HNRNPUL1: variants seen among roughly 807,000 people sequenced by gnomAD.
HNRNPUL1 encodes heterogeneous nuclear ribonucleoprotein U-like protein 1.
In HNRNPUL1, 14 loss-of-function variants were observed where a neutral mutation model predicts 108.5. That is an observed-to-expected ratio of 0.13 (90% confidence interval 0.09 to 0.20). The LOEUF (loss-of-function observed/expected upper bound fraction) is 0.20, where lower values mean the gene tolerates loss of function less well. HNRNPUL1 is among the 10% of genes least tolerant of loss of function. The probability of loss-of-function intolerance (pLI) is 1.00; values close to 1 mark genes in which losing one functional copy is unlikely to be tolerated. For missense variants in HNRNPUL1, 804 were observed against 1,168.3 expected, an observed-to-expected ratio of 0.69 and a Z score of 4.55; for synonymous variants, 422 against 445.2, an observed-to-expected ratio of 0.95 and a Z score of 0.66.
At chr19:41,273,526 T>A (rs1568432392) in intron 3 of HNRNPUL1, among the ~76,000 whole-genome samples, 1 of 152,232 alleles carries the variant, frequency 6.6e-6, no homozygotes. Context: ...CTTACAGATG[T>A]AGGATTTTAA....
intron 11 of HNRNPUL1, among the ~76,000 whole-genome samples, chr19:41,302,053 A>G (rs941971709): frequency 2.2e-4 from 34 of 151,902 alleles, no homozygotes; most frequent in African/African-American, 8.0e-4. Context: ...TGGTGATGCC[A>G]TCTGTCTGAC....
chr19:41,266,594 G>A lies in HNRNPUL1; in HGVS notation c.296-1629G>A, dbSNP rs183932646. Among the ~76,000 whole-genome samples, 107 of 152,222 alleles carry A rather than the reference G, an allele frequency of 7.0e-4. 1 individual carries two copies. Among genetic ancestry groups the A allele is most frequent in the African/African-American group, 2.5e-3 (103 of 41,542 alleles). ...CGTGAATCACTGCACCAGGCCTCAG[G>A]GCAGCTTTCTAGTAGGACTGGGAAA... On this transcript the variant is annotated intron_variant, in intron 1 of 14. Transcript: ENST00000392006.
At position 41,292,636 on chromosome 19, in the gene HNRNPUL1, C is replaced by T. The variant is rs926373100; in HGVS notation, c.1266+125C>T. ...GGCAAGTGGCCACTTTGTCCCAGCTCCTCAGGGTTGGACTCAGAGCTGAAA... is the reference window on the plus strand; with the variant it reads ...GGCAAGTGGCCACTTTGTCCCAGCTTCTCAGGGTTGGACTCAGAGCTGAAA... On this transcript the variant is annotated intron_variant, in intron 8 of 14. Coordinates refer to ENST00000392006, the MANE Select transcript of HNRNPUL1 (RefSeq NM_007040.6). This position sits in a 1 kb window ranked among gnomAD's most constrained non-coding sequence, Gnocchi z 4.1. The T allele has an allele frequency of 1.7e-6, 2 of 1,210,866 alleles. No homozygotes were observed. The highest frequency in any genetic ancestry group is 3.0e-5 in the African/African-American group (2 of 67,288). 75.0% of individuals were successfully genotyped at this position (1,210,866 alleles called of 1,614,324 possible). A position where few individuals can be genotyped will look rare whatever the true frequency, so the allele number is the denominator to read the frequency against.
chr19:41,263,217 C>A (rs1269126236), upstream of HNRNPUL1, among the ~76,000 whole-genome samples: 1 of 152,038 alleles, frequency 6.6e-6, no homozygotes, highest in Admixed American at 6.6e-5. Flanking sequence ...TCATGTATCC[C>A]GATTGCGTCT....
chr19:41,306,877 T>G lies in HNRNPUL1; in HGVS notation c.*312T>G. 1.5e-4 allele frequency: 29 copies of G among 195,184 alleles called. No individual in the cohort carries two copies. Among genetic ancestry groups the G allele is most frequent in the Middle Eastern group, 1.9e-3 (1 of 538 alleles). 12.1% of individuals were successfully genotyped at this position (195,184 alleles called of 1,614,324 possible). On this transcript the variant is annotated 3_prime_UTR_variant, in exon 15 of 15. Coordinates refer to ENST00000392006, the MANE Select transcript of HNRNPUL1 (RefSeq NM_007040.6). Reference sequence around the variant, plus strand: ...AAATAATCCCCACCTCCCTTGATCATACAGTGAGGCTACAGTGACTGAGGG... The same window carrying G: ...AAATAATCCCCACCTCCCTTGATCAGACAGTGAGGCTACAGTGACTGAGGG...
Position 41,306,945 on chromosome 19 carries a change from C to G in HNRNPUL1, c.*380C>G, listed in dbSNP as rs147743230. 1 of 166,284 alleles carries G rather than the reference C, an allele frequency of 6.0e-6. No individual in the cohort carries two copies. The highest frequency in any genetic ancestry group is 1.3e-5 in the Non-Finnish European group (1 of 77,454). The allele number at this position is 166,284 out of a possible 1,614,324, so 10.3% of individuals were successfully genotyped here. A position where few individuals can be genotyped will look rare whatever the true frequency, so the allele number is the denominator to read the frequency against. On this transcript the variant is annotated 3_prime_UTR_variant, in exon 15 of 15. Transcript: ENST00000392006. ...CACTCTCCCAACCCTGCTCCAGCCCCTCAGCTTCCCAGACCCTCATGCAGT... is the reference window on the plus strand; with the variant it reads ...CACTCTCCCAACCCTGCTCCAGCCCGTCAGCTTCCCAGACCCTCATGCAGT...
chr19:41,278,014 C>G (rs960589280), intron 5 of HNRNPUL1, among the ~76,000 whole-genome samples: 8 of 151,368 alleles, frequency 5.3e-5, no homozygotes, highest in African/African-American at 1.9e-4. Context: ...GTACATTAGC[C>G]CAATGTACTG....
intron 7 of HNRNPUL1, among the ~76,000 whole-genome samples, chr19:41,291,021 G>T (rs968252660): frequency 6.6e-6 from 1 of 152,206 alleles, no homozygotes; most frequent in Non-Finnish European, 1.5e-5. Context: ...ACTCCAGCCT[G>T]GGCAACAAGA....
At chr19:41,277,345 A>G (rs972572012) in intron 5 of HNRNPUL1, among the ~76,000 whole-genome samples, 2 of 152,212 alleles carry the variant, frequency 1.3e-5, no homozygotes, top group African/African-American at 2.4e-5. Context: ...ATCTGGAAAC[A>G]GGTACTGTTA....
chr19:41,265,081 A>AAGAGAGTCGGAAG lies in HNRNPUL1; in HGVS notation c.295+284_295+285insGAGAGTCGGAAGA, dbSNP rs1443200163. 3.2e-5 allele frequency: 45 copies of AAGAGAGTCGGAAG among 1,407,854 alleles called. No individual in the cohort carries two copies. The South Asian group carries it at 6.2e-4, about 19-fold the overall frequency. The allele number at this position is 1,407,854 out of a possible 1,614,324, so 87.2% of individuals were successfully genotyped here. ...CCGTACCGTAGGGATCGGAGACCGG[A>AAGAGAGTCGGAAG]AACTGCTTTCTGGAGCCGAAGAGAG... On this transcript the variant is annotated intron_variant, in intron 1 of 14. Transcript: ENST00000392006.
intron 1 of HNRNPUL1, chr19:41,265,462 A>G (rs899949595): frequency 3.1e-6 from 4 of 1,270,420 alleles, no homozygotes; most frequent in African/African-American, 1.5e-5. Context: ...AGATTGAACT[A>G]GGGGGCACCC....
intron 7 of HNRNPUL1, among the ~76,000 whole-genome samples, chr19:41,285,833 C>T (rs2036188318): frequency 6.6e-6 from 1 of 151,986 alleles, no homozygotes; most frequent in Non-Finnish European, 1.5e-5. Context: ...GGCACCAACC[C>T]CCATGCGGTC....
chr19:41,306,382 G>C, intron 14 of HNRNPUL1, 67 bp from the exon 15 acceptor site: 1 of 1,055,422 alleles, frequency 9.5e-7, no homozygotes, highest in African/African-American at 1.6e-5. Context: ...GTGAGGGTGG[G>C]GCTGGTGGGG....
At chr19:41,287,748 C>T (rs1158902441) in intron 7 of HNRNPUL1, among the ~76,000 whole-genome samples, 2 of 151,964 alleles carry the variant, frequency 1.3e-5, no homozygotes, top group African/African-American at 4.8e-5. Flanking sequence ...TTAGTAGAGT[C>T]GGGGTTTCAC....
At chr19:41,279,056 C>A in intron 5 of HNRNPUL1, 21 bp from the exon 6 acceptor site, 1 of 1,587,304 alleles carries the variant, frequency 6.3e-7, no homozygotes. Context: ...AACCCTGAGC[C>A]CTTTTGTCCT....
rs1209280807 is a variant in HNRNPUL1, at chr19:41,292,271, ACTGT to A, written c.1029_1032del (p.Ser344LeufsTer30). The A allele has an allele frequency of 6.2e-7, 1 of 1,614,074 alleles. No individual in the cohort carries two copies. Among genetic ancestry groups the A allele is most frequent in the Non-Finnish European group, 8.5e-7 (1 of 1,180,026 alleles). Reference sequence around the variant, plus strand: ...ATTTTGAATGTGGAAATGACGTGGAACTGTCTTTTACCAAGAATGGAAAGTGGAT... The same window carrying A: ...ATTTTGAATGTGGAAATGACGTGGAACTTTTACCAAGAATGGAAAGTGGAT... On this transcript the variant is annotated frameshift_variant, in exon 8 of 15. Coordinates refer to ENST00000392006, the MANE Select transcript of HNRNPUL1 (RefSeq NM_007040.6). LOFTEE classifies it high-confidence loss of function. This position sits in a 1 kb window ranked among gnomAD's most constrained non-coding sequence, Gnocchi z 4.1.
At chr19:41,295,197 CTAT>C (rs1473386015) in intron 10 of HNRNPUL1, among the ~76,000 whole-genome samples, 1 of 152,176 alleles carries the variant, frequency 6.6e-6, no homozygotes, top group African/African-American at 2.4e-5. Context: ...AAGGTAAATG[CTAT>C]TATTGCTTCC....
rs2037595124 is a variant in HNRNPUL1, at chr19:41,307,263, C to T, written c.*698C>T. On this transcript the variant is annotated 3_prime_UTR_variant, in exon 15 of 15. Coordinates refer to ENST00000392006, the MANE Select transcript of HNRNPUL1 (RefSeq NM_007040.6). The stretch of plus-strand genomic sequence containing the variant: ...AACCACAGAATCATCTTTAACCCAA[C>T]TTTTTATACGATGCCCCAGTTCCCC... 6.6e-6 allele frequency: 1 copy of T among 152,622 alleles called. No homozygotes were observed. The highest frequency in any genetic ancestry group is 2.4e-5 in the African/African-American group (1 of 41,428). 9.5% of individuals were successfully genotyped at this position (152,622 alleles called of 1,614,324 possible).
chr19:41,292,020 G>C lies in HNRNPUL1; in HGVS notation c.1000-225G>C. The C allele has an allele frequency of 2.0e-6, 1 of 498,526 alleles. No homozygotes were observed. The highest frequency in any genetic ancestry group is 3.6e-6 in the Non-Finnish European group (1 of 280,122). The allele number at this position is 498,526 out of a possible 1,614,324, so 30.9% of individuals were successfully genotyped here. A position where few individuals can be genotyped will look rare whatever the true frequency, so the allele number is the denominator to read the frequency against. ...AAAAAAAAAAAACTCTTGCTTACTTGCTTCATATCCACCAACTTTGGGGTC... is the reference window on the plus strand; with the variant it reads ...AAAAAAAAAAAACTCTTGCTTACTTCCTTCATATCCACCAACTTTGGGGTC... On this transcript the variant is annotated intron_variant, in intron 7 of 14. Transcript: ENST00000392006. This position sits in a 1 kb window ranked among gnomAD's most constrained non-coding sequence, Gnocchi z 4.1.
Sources: allele counts gnomAD v4.1 joint callset (sites outside exome capture counted in the v4.1 genomes callset), GRCh38; gene constraint gnomAD v4.1.1; non-coding constraint Gnocchi (gnomAD v3.1); transcripts MANE v1.5; gene names NCBI Gene and HGNC (gene_info 2026-07-23, HGNC 2026-07-21).